Variants in SPATA17 observed in about 807,000 individuals in gnomAD.
SPATA17 encodes the protein spermatogenesis-associated protein 17.
Under a neutral mutation model 62.2 loss-of-function variants are expected in SPATA17, and 53 were observed. The ratio of observed to expected loss-of-function variants is 0.85; its 90% CI spans 0.68 to 1.07. The LOEUF is 1.07. Among genes scored for constraint, SPATA17 ranks in the 50% least tolerant of loss-of-function variants. The pLI is 0.00. For synonymous variants in SPATA17, 146 were observed against 146.8 expected, an observed-to-expected ratio of 0.99 and a Z score of 0.04; for missense variants, 466 against 425.5, an observed-to-expected ratio of 1.10 and a Z score of -0.84.
At chr1:217,853,486 G>A (rs1022987643) in intron 9 of SPATA17, among the ~76,000 whole-genome samples, 1 of 152,018 alleles carries the variant, frequency 6.6e-6, no homozygotes, top group Admixed American at 6.6e-5. Context: ...CGTATCCCAG[G>A]AGTCATTGTA....
intron 9 of SPATA17, among the ~76,000 whole-genome samples, chr1:217,839,826 A>G (rs1442095754): frequency 1.3e-5 from 2 of 152,180 alleles, no homozygotes; most frequent in East Asian, 1.9e-4. Context: ...TTATTTTGAG[A>G]AGGCAATAGT....
At chr1:217,799,388 G>A (rs1018613912) in intron 8 of SPATA17, among the ~76,000 whole-genome samples, 1 of 152,096 alleles carries the variant, frequency 6.6e-6, no homozygotes, top group African/African-American at 2.4e-5. Flanking sequence ...GATAAAAACT[G>A]TAAGTGCAGC....
chr1:217,843,077 CAG>C (rs1214298833), intron 9 of SPATA17, among the ~76,000 whole-genome samples: 4 of 152,038 alleles, frequency 2.6e-5, no homozygotes, highest in Admixed American at 6.6e-5. Flanking sequence ...GTTAAAACAA[CAG>C]AGTCTGTGAT....
chr1:217,732,879 A>T (rs2102942314), intron 5 of SPATA17, among the ~76,000 whole-genome samples: 1 of 152,296 alleles, frequency 6.6e-6, no homozygotes, highest in East Asian at 1.9e-4. Context: ...GCATATATAA[A>T]ATTTTACTTC....
chr1:217,668,574 A>G (rs1258910174), intron 3 of SPATA17, among the ~76,000 whole-genome samples: 2 of 152,178 alleles, frequency 1.3e-5, no homozygotes, highest in East Asian at 3.8e-4. Flanking sequence ...CTGCATCCAT[A>G]TCCTTGAACG....
Position 217,863,350 on chromosome 1 carries a change from C to T in SPATA17, c.*2+494C>T, listed in dbSNP as rs561747837. Among the ~76,000 whole-genome samples the T allele has an allele frequency of 5.3e-5, 8 of 152,052 alleles. No homozygotes were observed. The South Asian group carries it at 6.2e-4, about 12-fold the overall frequency. ...TTCACCATGATGGCCAGGCTGGTCTCGAACTCCTGGCCTCAAGTGATCTGC... is the reference window on the plus strand; with the variant it reads ...TTCACCATGATGGCCAGGCTGGTCTTGAACTCCTGGCCTCAAGTGATCTGC... On this transcript the variant is annotated intron_variant, in intron 10 of 10. Transcript: ENST00000366933.
chr1:217,667,918 A>G (rs758746776), intron 3 of SPATA17, among the ~76,000 whole-genome samples: 5 of 152,224 alleles, frequency 3.3e-5, no homozygotes, highest in Non-Finnish European at 7.4e-5. Context: ...CTGTTTCTTA[A>G]TTGCTCAGAC....
At chr1:217,645,802 A>G (rs1670167946) in intron 1 of SPATA17, among the ~76,000 whole-genome samples, 1 of 152,140 alleles carries the variant, frequency 6.6e-6, no homozygotes, top group African/African-American at 2.4e-5. Flanking sequence ...AAGATTTTAA[A>G]AGAAAAATGA....
At chr1:217,767,693 G>C (rs905799119) in intron 6 of SPATA17, among the ~76,000 whole-genome samples, 5 of 152,034 alleles carry the variant, frequency 3.3e-5, no homozygotes, top group Non-Finnish European at 7.4e-5. Context: ...TACAGTGTTG[G>C]TTCTTTAATA....
At chr1:217,782,820 T>A (rs1282002674) in intron 8 of SPATA17, among the ~76,000 whole-genome samples, 1 of 60,630 alleles carries the variant, frequency 1.6e-5, no homozygotes, top group African/African-American at 4.9e-5. Context: ...TATGTAATTT[T>A]AAATTTTTTT....
At chr1:217,674,480 T>C (rs944286475) in intron 4 of SPATA17, among the ~76,000 whole-genome samples, 1 of 152,156 alleles carries the variant, frequency 6.6e-6, no homozygotes, top group Non-Finnish European at 1.5e-5. Flanking sequence ...GACTGCATGC[T>C]CAGTCCCTGG....
Position 217,782,252 on chromosome 1 carries a change from A to G in SPATA17, c.802A>G (p.Ile268Val). ...LEPTLRVAEP[I>V]DELKLAREEL... ...GCCAACGTTGCGGGTGGCAGAACCA[A>G]TCGATGAGTTAAAGTTGGCCAGAGA... is the stretch of plus-strand genomic sequence containing the variant. The change falls in exon 8 of 11, where the codon ATC becomes GTC. Residue 268 changes from isoleucine to valine, a missense_variant. By Grantham distance (29) the Ile-to-Val change is conservative. Transcript: ENST00000366933. 1 of 1,613,124 alleles carries G rather than the reference A, an allele frequency of 6.2e-7. No homozygotes were observed. Among genetic ancestry groups the G allele is most frequent in the East Asian group, 2.2e-5 (1 of 44,846 alleles).
intron 4 of SPATA17, among the ~76,000 whole-genome samples, chr1:217,670,887 G>A (rs1670816277): frequency 6.7e-6 from 1 of 149,998 alleles, no homozygotes; most frequent in South Asian, 2.1e-4. Flanking sequence ...GAAGGCGGAA[G>A]TGGCAGTGAG....
chr1:217,863,044 C>T (rs1675929572), intron 10 of SPATA17, among the ~76,000 whole-genome samples, 188 bp downstream of exon 10: 1 of 150,996 alleles, frequency 6.6e-6, no homozygotes, highest in African/African-American at 2.4e-5. Context: ...ATGAATTTTA[C>T]TTTTCAGATC....
At chr1:217,737,502 G>A (rs1480769887) in intron 5 of SPATA17, among the ~76,000 whole-genome samples, 2 of 152,128 alleles carry the variant, frequency 1.3e-5, no homozygotes, top group Non-Finnish European at 2.9e-5. Flanking sequence ...AATTGTACCA[G>A]GAGGTCTCAG....
At chr1:217,727,023 G>A (rs902574892) in intron 5 of SPATA17, among the ~76,000 whole-genome samples, 1 of 151,946 alleles carries the variant, frequency 6.6e-6, no homozygotes, top group Non-Finnish European at 1.5e-5. Context: ...TGAGGCGGGC[G>A]GATCACCTGA....
At chr1:217,658,484 T>C (rs1670489137) in intron 3 of SPATA17, among the ~76,000 whole-genome samples, 1 of 151,820 alleles carries the variant, frequency 6.6e-6, no homozygotes, top group African/African-American at 2.4e-5. Flanking sequence ...TGGGGCCGGG[T>C]GTGGAGGCTC....
At chr1:217,741,058 G>T (rs557163078) in intron 5 of SPATA17, among the ~76,000 whole-genome samples, 1 of 152,194 alleles carries the variant, frequency 6.6e-6, no homozygotes, top group East Asian at 1.9e-4. Flanking sequence ...TTTTTCCTCT[G>T]CTTTCCTCAG....
At chr1:217,823,835 T>G (rs1482503467) in intron 9 of SPATA17, among the ~76,000 whole-genome samples, 1 of 152,032 alleles carries the variant, frequency 6.6e-6, no homozygotes, top group East Asian at 1.9e-4. Context: ...ATCATTTTGC[T>G]GAATTAACCC....
Sources: gnomAD v4.1 joint callset for allele counts (sites outside exome capture counted in the v4.1 genomes callset) on GRCh38, gnomAD v4.1.1 for gene constraint, MANE v1.5 for transcripts, NCBI Gene and HGNC (gene_info 2026-07-23, HGNC 2026-07-21) for gene names.